Variants in UBAP1 observed in about 807,000 individuals in gnomAD.
UBAP1 encodes ubiquitin-associated protein 1.
A neutral mutation model predicts 39.0 loss-of-function variants in UBAP1; 5 were observed. The ratio of observed to expected loss-of-function variants is 0.13; its 90% CI spans 0.07 to 0.27. The LOEUF is 0.27. Ranked by LOEUF, UBAP1 falls within the 10% of genes least tolerant of loss-of-function variation. The probability of loss-of-function intolerance (pLI) is 1.00; values close to 1 mark genes in which losing one functional copy is unlikely to be tolerated. For synonymous variants in UBAP1, 211 were observed against 225.1 expected, an observed-to-expected ratio of 0.94 and a Z score of 0.56; for missense variants, 490 against 608.1, an observed-to-expected ratio of 0.81 and a Z score of 2.04.
chr9:34,207,090 C>T (rs1165387161), intron 1 of UBAP1, among the ~76,000 whole-genome samples: 1 of 81,358 alleles, frequency 1.2e-5, no homozygotes, highest in Admixed American at 2.0e-4. Flanking sequence ...TTGCTCTTGT[C>T]GCCCAGGCTG....
rs373850746 is a variant in UBAP1 at position 34,242,054 on chromosome 9, C to G, written c.1029C>G (p.Leu343=). ...TGACATCCTCCCAGATGCCTTCCCT[C>G]TCTGTTTTGTCTGTGTGCACAGAGG... ...PALTSSQMPS[L]SVLSVCTEES... The change falls in exon 4 of 7, where the codon CTC becomes CTG. Residue 343 remains leucine, a synonymous_variant. Transcript: ENST00000297661. The G allele has an allele frequency of 1.2e-6, 2 of 1,613,830 alleles. No individual in the cohort carries two copies. The highest frequency in any genetic ancestry group is 1.1e-5 in the South Asian group (1 of 91,086).
At position 34,184,646 on chromosome 9, in the gene UBAP1, G is replaced by A. The variant is rs1348847751; in HGVS notation, c.-8+5406G>A. 2.6e-3 allele frequency among the ~76,000 whole-genome samples: 198 copies of A among 74,866 alleles called. 4 individuals carry two copies. The highest frequency in any genetic ancestry group is 8.9e-3 in the Middle Eastern group (1 of 112). 49.1% of individuals were successfully genotyped at this position (74,866 alleles called of 152,430 possible). A position where few individuals can be genotyped will look rare whatever the true frequency, so the allele number is the denominator to read the frequency against. ...ACTCCGTCTGAAAAAAAAAAAAAAAGAGAGTCTCGCTCTGTTGCCAGGCTG... is the reference window on the plus strand; with the variant it reads ...ACTCCGTCTGAAAAAAAAAAAAAAAAAGAGTCTCGCTCTGTTGCCAGGCTG... On this transcript the variant is annotated intron_variant, in intron 1 of 6. Coordinates refer to ENST00000297661, the MANE Select transcript of UBAP1 (RefSeq NM_016525.5).
At chr9:34,234,863 T>C (rs1332479865) in intron 3 of UBAP1, among the ~76,000 whole-genome samples, 2 of 152,186 alleles carry the variant, frequency 1.3e-5, no homozygotes, top group African/African-American at 4.8e-5. Flanking sequence ...GCATTATCTT[T>C]CTACTTATTA....
In UBAP1 at chr9:34,234,377, A is replaced by G. The variant is rs779034535; in HGVS notation, c.159+37A>G. ...TTTTTAGTTAAAGTTTAGTGCATTT[A>G]AAAGTTTAAAGAGTAAGAATTTGAT... On this transcript the variant is annotated intron_variant, in intron 3 of 6. Coordinates refer to ENST00000297661, the MANE Select transcript of UBAP1 (RefSeq NM_016525.5). 7 of 1,564,188 alleles carry G rather than the reference A, an allele frequency of 4.5e-6. No homozygotes were observed. The Admixed American group carries it at 1.1e-4, about 24-fold the overall frequency.
At chr9:34,226,070 ACATT>A (rs1370336272) in intron 2 of UBAP1, among the ~76,000 whole-genome samples, 1 of 143,898 alleles carries the variant, frequency 6.9e-6, no homozygotes, top group African/African-American at 2.5e-5. Context: ...TAAGGCATAA[ACATT>A]CATTACCTTC....
At chr9:34,246,936 C>T (rs1339323123) in intron 4 of UBAP1, among the ~76,000 whole-genome samples, 6 of 152,226 alleles carry the variant, frequency 3.9e-5, no homozygotes, top group African/African-American at 1.2e-4. Flanking sequence ...TGGAGCACTT[C>T]AGTCATCGAG....
chr9:34,226,129 G>GTGTGTGTGTGTGTGTGTGTT lies in UBAP1; in HGVS notation c.34+5200_34+5201insTTGTGTGTGTGTGTGTGTGT, dbSNP rs1563911295. Among the ~76,000 whole-genome samples, 313 of 141,942 alleles carry GTGTGTGTGTGTGTGTGTGTT rather than the reference G, an allele frequency of 2.2e-3. 1 individual carries two copies. Among genetic ancestry groups the GTGTGTGTGTGTGTGTGTGTT allele is most frequent in the African/African-American group, 8.0e-3 (292 of 36,524 alleles). The allele number at this position is 141,942 out of a possible 152,430, so 93.1% of individuals were successfully genotyped here. ...ATTGTGTGTGTGTGTGTGTGTGTGT[G>GTGTGTGTGTGTGTGTGTGTT]TGTGTGTGTGTGTGTGTGTGTGTGT... On this transcript the variant is annotated intron_variant, in intron 2 of 6. Coordinates refer to ENST00000297661, the MANE Select transcript of UBAP1 (RefSeq NM_016525.5).
At chr9:34,207,579 G>A (rs576650112) in intron 1 of UBAP1, among the ~76,000 whole-genome samples, 134 of 151,156 alleles carry the variant, frequency 8.9e-4, no homozygotes, top group African/African-American at 3.0e-3. Flanking sequence ...CTCCCTTTAT[G>A]TCTTCAGTTT....
At chr9:34,226,158 G>T (rs1393950026) in intron 2 of UBAP1, among the ~76,000 whole-genome samples, 2 of 52,336 alleles carry the variant, frequency 3.8e-5, no homozygotes, top group African/African-American at 1.3e-4. Context: ...TGTGTGTGTG[G>T]TGGGCTGGAG....
chr9:34,192,267 A>G lies in UBAP1; in HGVS notation c.-8+13027A>G, dbSNP rs555421534. Among the ~76,000 whole-genome samples, 10 of 152,076 alleles carry G rather than the reference A, an allele frequency of 6.6e-5. 1 individual carries two copies. The highest frequency in any genetic ancestry group is 2.4e-4 in the African/African-American group (10 of 41,542). ...CGCGGTGGCTCATGCCTGTAATCCCAGCACTTTGGGAGGCTGAGGTGGGTG... is the reference window on the plus strand; with the variant it reads ...CGCGGTGGCTCATGCCTGTAATCCCGGCACTTTGGGAGGCTGAGGTGGGTG... On this transcript the variant is annotated intron_variant, in intron 1 of 6. Coordinates refer to ENST00000297661, the MANE Select transcript of UBAP1 (RefSeq NM_016525.5).
chr9:34,183,931 C>T (rs889262320), intron 1 of UBAP1, among the ~76,000 whole-genome samples: 6 of 151,818 alleles, frequency 4.0e-5, no homozygotes, highest in African/African-American at 7.3e-5. Context: ...CCACCATGCC[C>T]GGCTAATTTT....
Position 34,241,711 on chromosome 9 carries a change from A to T in UBAP1, c.686A>T (p.His229Leu). The part of the protein sequence containing the change: ...ERATLDFKPL[H>L]KPNGFITLPQ... ...GCAACCCTAGATTTCAAGCCTCTTCATAAACCCAATGGCTTTATAACCTTA... is the reference window on the plus strand; with the variant it reads ...GCAACCCTAGATTTCAAGCCTCTTCTTAAACCCAATGGCTTTATAACCTTA... The change falls in exon 4 of 7, where the codon CAT (histidine) becomes CTT (leucine). Residue 229 changes from histidine to leucine, a missense_variant. Physicochemically the swap from His to Leu is moderately conservative, Grantham distance 99. Coordinates refer to ENST00000297661, the MANE Select transcript of UBAP1 (RefSeq NM_016525.5). The T allele has an allele frequency of 6.2e-7, 1 of 1,614,072 alleles. No homozygotes were observed. Among genetic ancestry groups the T allele is most frequent in the Non-Finnish European group, 8.5e-7 (1 of 1,180,008 alleles).
In UBAP1 at chr9:34,241,909, A is replaced by G; in HGVS notation, c.884A>G (p.Asn295Ser). The G allele has an allele frequency of 1.9e-6, 3 of 1,614,204 alleles. No homozygotes were observed. Among genetic ancestry groups the G allele is most frequent in the South Asian group, 1.1e-5 (1 of 91,088 alleles). The part of the protein sequence containing the change: ...STFHSTSCLR[N>S]GTFQNSLKPS... ...TTCCATAGCACATCCTGCCTCCGCA[A>G]TGGCACGTTCCAGAATTCCCTAAAG... The change falls in exon 4 of 7, where the codon AAT (asparagine) becomes AGT (serine). Residue 295 changes from asparagine to serine, a missense_variant. Around this residue, in one of 3 missense-constraint regions of UBAP1, gnomAD observed 339 missense variants for 390.0 expected, o/e 0.87. Coordinates refer to ENST00000297661, the MANE Select transcript of UBAP1 (RefSeq NM_016525.5).
intron 3 of UBAP1, among the ~76,000 whole-genome samples, chr9:34,235,305 ATATG>A (rs1205239886): frequency 3.4e-5 from 4 of 119,314 alleles, no homozygotes; most frequent in East Asian, 3.2e-4. Flanking sequence ...GTGTATATAT[ATATG>A]TGTGTGTGTG....
At chr9:34,182,371 G>A (rs1043041845) in intron 1 of UBAP1, among the ~76,000 whole-genome samples, 15 of 151,504 alleles carry the variant, frequency 9.9e-5, no homozygotes, top group African/African-American at 2.9e-4. Context: ...TTTTAGTAGC[G>A]ACGGGGTTTC....
intron 3 of UBAP1, among the ~76,000 whole-genome samples, chr9:34,238,145 CATA>C (rs1356411187): frequency 6.6e-6 from 1 of 152,162 alleles, no homozygotes; most frequent in Non-Finnish European, 1.5e-5. Flanking sequence ...ATTCACTTAG[CATA>C]ATGTTTTCAA....
chr9:34,215,293 A>G (rs1563902693), intron 1 of UBAP1, among the ~76,000 whole-genome samples: 3 of 151,834 alleles, frequency 2.0e-5, no homozygotes, highest in Admixed American at 1.3e-4. Flanking sequence ...GTGTGTGTAT[A>G]TATATGTATA....
At position 34,249,859 on chromosome 9, in the gene UBAP1, G is replaced by A; in HGVS notation, c.1164G>A (p.Leu388=). ...CPQAYSELQM[L]SPSERQCVET... is the part of the protein sequence containing the mutation. ...AGGCCTATTCTGAACTGCAGATGCT[G>A]TCCCCCAGCGAGCGGCAGTGTGTGG... Residue 388 remains leucine, a synonymous_variant, in exon 5 of 7, where the codon CTG becomes CTA. Coordinates refer to ENST00000297661, the MANE Select transcript of UBAP1 (RefSeq NM_016525.5). 2 of 1,614,196 alleles carry A rather than the reference G, an allele frequency of 1.2e-6. No individual in the cohort carries two copies. Among genetic ancestry groups the A allele is most frequent in the Non-Finnish European group, 1.7e-6 (2 of 1,180,036 alleles).
At chr9:34,203,766 T>G (rs556923787) in intron 1 of UBAP1, among the ~76,000 whole-genome samples, 1 of 152,310 alleles carries the variant, frequency 6.6e-6, no homozygotes, top group African/African-American at 2.4e-5. Context: ...CCATAAATCT[T>G]TGACACCGTG....
Sources: gnomAD v4.1 joint callset for allele counts (sites outside exome capture counted in the v4.1 genomes callset) on GRCh38, gnomAD v4.1.1 for gene constraint, gnomAD v4.1.1 regional missense constraint, MANE v1.5 for transcripts, NCBI Gene and HGNC (gene_info 2026-07-23, HGNC 2026-07-21) for gene names.